FAM234A: variants seen among roughly 807,000 people sequenced by gnomAD.
FAM234A encodes the protein protein FAM234A.
Under a neutral mutation model 49.1 loss-of-function variants are expected in FAM234A, and 42 were observed. The ratio of observed to expected loss-of-function variants is 0.86; its 90% confidence interval spans 0.67 to 1.11. The LOEUF (loss-of-function observed/expected upper bound fraction) is 1.11, where lower values mean the gene tolerates loss of function less well. Among genes scored for constraint, FAM234A ranks in the 50% least tolerant of loss-of-function variants. FAM234A has a pLI of 0.00. For synonymous variants in FAM234A, 369 were observed against 316.2 expected, an observed-to-expected ratio of 1.17 and a Z score of -1.77; for missense variants, 815 against 745.2, an observed-to-expected ratio of 1.09 and a Z score of -1.09.
chr16:259,915 C>G, intron 4 of FAM234A, 54 bp from the exon 5 acceptor site: 3 of 1,523,234 alleles, frequency 2.0e-6, no homozygotes, highest in Non-Finnish European at 2.7e-6. Context: ...TGGGGCTGGC[C>G]GGCCTGCCTG....
At chr16:262,595 C>T in intron 8 of FAM234A, 42 bp downstream of exon 8, 2 of 1,518,910 alleles carry the variant, frequency 1.3e-6, no homozygotes, top group Non-Finnish European at 1.8e-6. Context: ...GAGCGCCCAC[C>T]CCATGGCTCT....
intron 8 of FAM234A, 141 bp from the exon 9 acceptor site, chr16:263,121 C>T: frequency 9.2e-7 from 1 of 1,091,150 alleles, no homozygotes. Context: ...CCCAGCTCTT[C>T]TCTTTTCAAG....
At chr16:260,660 G>C in intron 5 of FAM234A, 1 of 472,216 alleles carries the variant, frequency 2.1e-6, no homozygotes, top group South Asian at 1.5e-5. Context: ...GGCCATGTGT[G>C]TGTGTGGGCT....
chr16:262,310 C>T (rs1387639032), intron 7 of FAM234A, 85 bp downstream of exon 7: 57 of 1,577,826 alleles, frequency 3.6e-5, no homozygotes, highest in Middle Eastern at 1.7e-4. Flanking sequence ...CTTCTGCTCT[C>T]GAGGTGCTGG....
chr16:263,116 C>T, intron 8 of FAM234A, 146 bp from the exon 9 acceptor site: 1 of 1,033,570 alleles, frequency 9.7e-7, no homozygotes. Flanking sequence ...CCGCGCCCAG[C>T]TCTTCTCTTT....
At chr16:235,071 C>T (rs541664697) in intron 1 of FAM234A, among the ~76,000 whole-genome samples, 1 of 152,348 alleles carries the variant, frequency 6.6e-6, no homozygotes, top group South Asian at 2.1e-4. Context: ...GGCAGCAGCG[C>T]CTCTGGAGGC....
intron 2 of FAM234A, chr16:254,109 A>T: frequency 2.6e-6 from 1 of 391,230 alleles, no homozygotes. Context: ...TTCGGCAGGC[A>T]GGAAGCACCA....
chr16:269,387 T>C, downstream of FAM234A: 2 of 1,599,456 alleles, frequency 1.3e-6, no homozygotes, highest in Non-Finnish European at 1.7e-6. Flanking sequence ...GAACACGCTG[T>C]GGGCGAGAAG....
rs368197420 is a variant in FAM234A at position 262,229 on chromosome 16, C to T, written c.841+4C>T. ...CACTACATCCTCTTTCCCTGCGGTACGTTGTTTCTGCCACATCCCTGGCCA... is the reference window on the plus strand; with the variant it reads ...CACTACATCCTCTTTCCCTGCGGTATGTTGTTTCTGCCACATCCCTGGCCA... On this transcript the variant is annotated splice_donor_region_variant and intron_variant, in intron 7 of 12. Transcript: ENST00000399932. The T allele has an allele frequency of 1.2e-4, 189 of 1,613,706 alleles. 2 individuals are homozygous for T. The highest frequency in any genetic ancestry group is 1.1e-3 in the South Asian group (102 of 91,040).
intron 6 of FAM234A, among the ~76,000 whole-genome samples, chr16:261,873 C>G (rs1193522736): frequency 6.6e-6 from 1 of 152,222 alleles, no homozygotes; most frequent in East Asian, 1.9e-4. Context: ...GGCAGACTCT[C>G]TGATGTCAGC....
chr16:241,275 G>GAAAA (rs3074556), intron 1 of FAM234A, among the ~76,000 whole-genome samples: 2 of 147,302 alleles, frequency 1.4e-5, no homozygotes, highest in African/African-American at 4.9e-5. Flanking sequence ...CAAAAAGAAA[G>GAAAA]AAAAAAAAAA....
rs1283778242 is a variant in FAM234A at position 263,292 on chromosome 16, C to T, written c.1002C>T (p.Val334=). Residue 334 remains valine (V), a synonymous_variant, in exon 9 of 13, where the codon GTC becomes GTT. Coordinates refer to ENST00000399932, the MANE Select transcript of FAM234A (RefSeq NM_032039.4). ...SSGAVRYLMH[V]PGNAGADVLL... is the part of the protein sequence containing the mutation. ...GAGCAGTGCGCTACCTGATGCATGT[C>T]CCAGGGAACGCCGGTGCAGATGTGC... 1 of 1,613,118 alleles carries T rather than the reference C, an allele frequency of 6.2e-7. No individual in the cohort carries two copies. The highest frequency in any genetic ancestry group is 8.5e-7 in the Non-Finnish European group (1 of 1,179,994).
Position 260,001 on chromosome 16 carries a change from G to T in FAM234A, c.418G>T (p.Val140Leu). The T allele has an allele frequency of 6.2e-7, 1 of 1,613,672 alleles. No homozygotes were observed. ...FSSPCTFAAA[V>L]SGANGSTLWE... ...CTCTCCCTGCACCTTTGCAGCTGCT[G>T]TGTCGGGGGCCAACGGCAGCACGCT... The change falls in exon 5 of 13, where the codon GTG (valine) becomes TTG (leucine). Residue 140 changes from valine (V) to leucine (L), a missense_variant. Transcript: ENST00000399932.
At chr16:262,582 G>A in intron 8 of FAM234A, 29 bp downstream of exon 8, 4 of 1,552,212 alleles carry the variant, frequency 2.6e-6, no homozygotes, top group Non-Finnish European at 3.5e-6. Flanking sequence ...CTTTCTCCAT[G>A]CAGAGCGCCC....
intron 1 of FAM234A, among the ~76,000 whole-genome samples, chr16:236,233 G>A (rs1027863060): frequency 1.3e-5 from 2 of 151,260 alleles, no homozygotes; most frequent in Non-Finnish European, 2.9e-5. Context: ...TGGGATTACA[G>A]GTGTGAGCCA....
At chr16:261,564 C>T (rs762595220) in intron 6 of FAM234A, 50 bp downstream of exon 6, 23 of 1,523,724 alleles carry the variant, frequency 1.5e-5, no homozygotes, top group South Asian at 2.4e-5. Flanking sequence ...ACCTGCCACA[C>T]GGCCCTGCTC....
At chr16:269,272 G>C, downstream of FAM234A, 1 of 1,562,714 alleles carries the variant, frequency 6.4e-7, no homozygotes. Flanking sequence ...AGGTCCACTA[G>C]GCCACCCCAT....
At chr16:269,455 C>T (rs2051815229), downstream of FAM234A, 1 of 1,599,544 alleles carries the variant, frequency 6.3e-7, no homozygotes, top group Non-Finnish European at 8.5e-7. Context: ...AGGGCCCCAG[C>T]AGCCCCCAGG....
At chr16:261,938 A>G (rs1179272443) in intron 6 of FAM234A, among the ~76,000 whole-genome samples, 155 bp from the exon 7 acceptor site, 1 of 151,988 alleles carries the variant, frequency 6.6e-6, no homozygotes, top group Admixed American at 6.6e-5. Context: ...CACATCTCCC[A>G]TTGTAGAGTG....
Sources: allele counts gnomAD v4.1 joint callset (sites outside exome capture counted in the v4.1 genomes callset), GRCh38; gene constraint gnomAD v4.1.1; transcripts MANE v1.5; gene names NCBI Gene and HGNC (gene_info 2026-07-23, HGNC 2026-07-21).